Variants in NOTCH2 observed in about 807,000 individuals in gnomAD.
NOTCH2 encodes the protein neurogenic locus notch homolog protein 2.
Under a neutral mutation model 235.8 loss-of-function variants are expected in NOTCH2, and 29 were observed. The observed-to-expected ratio is 0.12, with a 90% confidence interval of 0.09 to 0.17. The LOEUF (loss-of-function observed/expected upper bound fraction) is 0.17, where lower values mean the gene tolerates loss of function less well. Among genes scored for constraint, NOTCH2 ranks in the 10% least tolerant of loss-of-function variants. NOTCH2 has a pLI of 1.00. For missense variants in NOTCH2, 2,285 were observed against 3,150.2 expected, an observed-to-expected ratio of 0.73 and a Z score of 6.57; for synonymous variants, 1,086 against 1,141.5, an observed-to-expected ratio of 0.95 and a Z score of 0.98.
At chr1:120,009,517 T>G (rs1570742513) in intron 2 of NOTCH2, among the ~76,000 whole-genome samples, 1 of 152,138 alleles carries the variant, frequency 6.6e-6, no homozygotes, top group Middle Eastern at 3.4e-3. Flanking sequence ...CAGCTAACCT[T>G]CTATGACTGT....
intron 17 of NOTCH2, among the ~76,000 whole-genome samples, chr1:119,944,521 C>T (rs1032340706): frequency 8.3e-5 from 11 of 132,184 alleles, no homozygotes; most frequent in African/African-American, 2.3e-4. Flanking sequence ...GGCGACAGAG[C>T]GAGACTCAGT....
At chr1:120,000,000 GAA>G (rs1652680742) in intron 3 of NOTCH2, among the ~76,000 whole-genome samples, 3 of 139,238 alleles carry the variant, frequency 2.2e-5, no homozygotes, top group African/African-American at 9.1e-5. Context: ...AGGAAGGAAG[GAA>G]GGAAGGAAGG....
intron 17 of NOTCH2, among the ~76,000 whole-genome samples, chr1:119,943,258 A>C (rs1414155962): frequency 1.3e-5 from 2 of 152,306 alleles, no homozygotes; most frequent in African/African-American, 4.8e-5. Context: ...ATGCATTGTG[A>C]TAATCTCATT....
chr1:119,944,022 T>C (rs2101108815), intron 17 of NOTCH2, among the ~76,000 whole-genome samples: 1 of 151,812 alleles, frequency 6.6e-6, no homozygotes, highest in East Asian at 1.9e-4. Context: ...CTTCAAATAG[T>C]AAAATAATCC....
At chr1:119,967,740 C>A (rs1651198835) in intron 7 of NOTCH2, 119 bp from the exon 8 acceptor site, 7 of 874,816 alleles carry the variant, frequency 8.0e-6, no homozygotes, top group East Asian at 2.5e-5. Flanking sequence ...ATATCATTCC[C>A]AATTTTCTAT....
At position 119,925,594 on chromosome 1, in the gene NOTCH2, C is replaced by T; in HGVS notation, c.4222G>A (p.Gly1408Ser). The T allele has an allele frequency of 6.2e-7, 1 of 1,614,078 alleles. No individual in the cohort carries two copies. Among genetic ancestry groups the T allele is most frequent in the South Asian group, 1.1e-5 (1 of 91,082 alleles). Residue 1408 changes from glycine to serine, a missense_variant, in exon 25 of 34, where the codon GGT (glycine) becomes AGT (serine). This residue lies in a region of NOTCH2 where 1,173 missense variants were observed against 1,515.3 expected (regional missense o/e 0.77). Transcript: ENST00000256646. ...YSCQCAPPFSGSRCELYTAPP... is the reference protein window; with the variant it reads ...YSCQCAPPFSSSRCELYTAPP... ...GCCGTGTAGAGTTCACAGCGGCTAC[C>T]CGAGAATGGTGGGGCACACTGGCAG...
intron 9 of NOTCH2, among the ~76,000 whole-genome samples, chr1:119,966,083 G>C (rs139918937): frequency 6.6e-6 from 1 of 152,136 alleles, no homozygotes; most frequent in Non-Finnish European, 1.5e-5. Flanking sequence ...ATAAAATCCC[G>C]AATAGCCTAC....
At chr1:119,923,574 G>T in intron 26 of NOTCH2, 63 bp downstream of exon 26, 1 of 1,356,692 alleles carries the variant, frequency 7.4e-7, no homozygotes, top group Non-Finnish European at 1.1e-6. Flanking sequence ...TATGACTTGT[G>T]CTATATGTCA....
chr1:119,925,882 A>G (rs887743146), intron 24 of NOTCH2, 72 bp from the exon 25 acceptor site: 10 of 1,549,068 alleles, frequency 6.5e-6, no homozygotes, highest in South Asian at 1.1e-5. Flanking sequence ...TGAGGTTTCT[A>G]GAAAACCTCC....
intron 26 of NOTCH2, among the ~76,000 whole-genome samples, chr1:119,923,332 T>C (rs1200917281): frequency 6.6e-6 from 1 of 152,178 alleles, no homozygotes; most frequent in Admixed American, 6.5e-5. Context: ...CAATGATTAA[T>C]GTAAAAAGGA....
chr1:120,051,261 A>ACG lies in NOTCH2; in HGVS notation c.73+18072_73+18073insCG, dbSNP rs1553214373. ...CACACACACACACACACACACACAC[A>ACG]CACACACACACACGCACACACACAC... On this transcript the variant is annotated intron_variant, in intron 1 of 33. Coordinates refer to ENST00000256646, the MANE Select transcript of NOTCH2 (RefSeq NM_024408.4). Among the ~76,000 whole-genome samples, 51 of 103,152 alleles carry ACG rather than the reference A, an allele frequency of 4.9e-4. 1 individual carries two copies. The East Asian group carries it at 8.9e-3, about 18-fold the overall frequency. 67.7% of individuals were successfully genotyped at this position (103,152 alleles called of 152,430 possible). A position where few individuals can be genotyped will look rare whatever the true frequency, so the allele number is the denominator to read the frequency against.
chr1:119,934,973 C>T, intron 22 of NOTCH2: 1 of 405,988 alleles, frequency 2.5e-6, no homozygotes, highest in South Asian at 1.0e-4. Context: ...TCTCATCAGG[C>T]CTTACTGCAT....
chr1:119,925,095 G>C (rs1649425892), intron 25 of NOTCH2, among the ~76,000 whole-genome samples: 1 of 152,170 alleles, frequency 6.6e-6, no homozygotes, highest in African/African-American at 2.4e-5. Flanking sequence ...GCAAAGATAG[G>C]CAGAGAGAGA....
rs1651280650 is a variant in NOTCH2 at position 119,969,527 on chromosome 1, G to A, written c.1092C>T (p.Cys364=). 1 of 1,613,686 alleles carries A rather than the reference G, an allele frequency of 6.2e-7. No homozygotes were observed. Among genetic ancestry groups the A allele is most frequent in the Admixed American group, 1.7e-5 (1 of 59,992 alleles). The change falls in exon 6 of 34, where the codon TGC becomes TGT. Residue 364 remains cysteine, a synonymous_variant. Transcript: ENST00000256646. ...GCTACCTACCTGCCTTCCCCTCTGG[G>A]CACATGCAAGAGAAGGAGGCCACAC... ...IDRVASFSCM[C]PEGKAGLLCH...
At chr1:119,924,635 A>G (rs1269096913) in intron 25 of NOTCH2, among the ~76,000 whole-genome samples, 1 of 152,142 alleles carries the variant, frequency 6.6e-6, no homozygotes, top group East Asian at 1.9e-4. Context: ...ACCCCTTGAT[A>G]TTTATACTAT....
intron 1 of NOTCH2, among the ~76,000 whole-genome samples, chr1:120,040,859 A>G (rs1654516569): frequency 6.7e-6 from 1 of 150,104 alleles, no homozygotes; most frequent in Admixed American, 6.6e-5. Flanking sequence ...AACACGGTGA[A>G]ACCACATCTC....
chr1:120,000,712 GCCCC>G (rs1388286294), intron 3 of NOTCH2, among the ~76,000 whole-genome samples: 1 of 149,866 alleles, frequency 6.7e-6, no homozygotes, highest in Non-Finnish European at 1.5e-5. Flanking sequence ...GTGGGTATAT[GCCCC>G]CCTACTTTGC....
At chr1:119,995,039 AG>A (rs1161663132) in intron 4 of NOTCH2, 1 of 151,758 alleles carries the variant, frequency 6.6e-6, no homozygotes, top group African/African-American at 2.4e-5. Context: ...ACACACCATC[AG>A]TGAGTAAATA....
intron 8 of NOTCH2, among the ~76,000 whole-genome samples, chr1:119,966,705 G>C (rs1289864730): frequency 6.6e-6 from 1 of 152,108 alleles, no homozygotes; most frequent in East Asian, 1.9e-4. Context: ...AAGCGGGAAG[G>C]GATTACATTA....
Sources: allele counts gnomAD v4.1 joint callset (sites outside exome capture counted in the v4.1 genomes callset), GRCh38; gene constraint gnomAD v4.1.1; regional missense constraint gnomAD v4.1.1; transcripts MANE v1.5; gene names NCBI Gene and HGNC (gene_info 2026-07-23, HGNC 2026-07-21).